The following DYM variants were observed in gnomAD, a reference collection of about 807,000 sequenced individuals.
The protein encoded by DYM is dyggve-Melchior-Clausen syndrome protein.
Under a neutral mutation model 93.1 loss-of-function variants are expected in DYM, and 78 were observed. That is an observed-to-expected ratio of 0.84 (90% CI 0.70 to 1.01). The LOEUF (loss-of-function observed/expected upper bound fraction) is 1.01. DYM is among the 50% of genes least tolerant of loss of function. The pLI, the probability that DYM is intolerant of heterozygous loss-of-function variation, is 0.00. For synonymous variants in DYM, 321 were observed against 319.7 expected (o/e 1.00, Z -0.04); for missense variants, 789 against 845.0 (o/e 0.93, Z 0.82).
chr18:49,195,826 G>A (rs1201199327), intron 14 of DYM, among the ~76,000 whole-genome samples: 1 of 151,630 alleles, frequency 6.6e-6, no homozygotes, highest in Non-Finnish European at 1.5e-5. Flanking sequence ...GTTTAGTCAG[G>A]TAGTTTTACT....
chr18:49,270,390 A>T (rs916558827), intron 11 of DYM, among the ~76,000 whole-genome samples: 1 of 152,232 alleles, frequency 6.6e-6, no homozygotes, highest in Non-Finnish European at 1.5e-5. Context: ...TAAAAAGTCA[A>T]ATACACAGAT....
At chr18:49,399,221 C>T (rs770247235) in intron 2 of DYM, among the ~76,000 whole-genome samples, 3 of 152,074 alleles carry the variant, frequency 2.0e-5, no homozygotes, top group Admixed American at 6.6e-5. Flanking sequence ...GTGCACTCAA[C>T]GTACCATAGA....
At chr18:49,282,428 C>T (rs184441598) in intron 9 of DYM, among the ~76,000 whole-genome samples, 63 of 152,296 alleles carry the variant, frequency 4.1e-4, no homozygotes, top group Middle Eastern at 6.8e-3. Context: ...GGCTGACCAA[C>T]ATGGTGAAAC....
At chr18:49,145,687 T>A (rs573233633) in intron 15 of DYM, among the ~76,000 whole-genome samples, 4 of 152,184 alleles carry the variant, frequency 2.6e-5, no homozygotes, top group African/African-American at 9.7e-5. Context: ...ATGTTTTCAT[T>A]CATTTTTATA....
At chr18:49,196,449 AC>A (rs2091458357) in intron 14 of DYM, among the ~76,000 whole-genome samples, 2 of 151,942 alleles carry the variant, frequency 1.3e-5, no homozygotes, top group Non-Finnish European at 2.9e-5. Context: ...ACACACACAC[AC>A]ACACACACAC....
intron 17 of DYM, among the ~76,000 whole-genome samples, chr18:49,081,992 T>C (rs919597428): frequency 2.0e-5 from 3 of 152,242 alleles, no homozygotes; most frequent in East Asian, 1.9e-4. Context: ...TCAGAGCTGG[T>C]CTTAGTTCAG....
At chr18:49,381,980 T>C (rs768002852) in intron 3 of DYM, among the ~76,000 whole-genome samples, 8 of 151,692 alleles carry the variant, frequency 5.3e-5, no homozygotes, top group Admixed American at 4.6e-4. Flanking sequence ...TATCTAGCTA[T>C]TGTAAATCCA....
chr18:49,040,547 T>G lies in DYM; in HGVS notation c.*3508A>C, dbSNP rs911388422. Among the ~76,000 whole-genome samples, 1 of 152,224 alleles carries G rather than the reference T, an allele frequency of 6.6e-6. No individual in the cohort carries two copies. The highest frequency in any genetic ancestry group is 2.4e-5 in the African/African-American group (1 of 41,454). The stretch of plus-strand genomic sequence containing the variant: ...GCTAGCTTAGCTCTTCATCACTGAA[T>G]AGAAACTGACCTCTTTGACTCCAGG... On this transcript the variant is annotated 3_prime_UTR_variant, in exon 18 of 18. Coordinates refer to ENST00000675505, the MANE Select transcript of DYM (RefSeq NM_001353214.3).
At chr18:49,180,255 T>A (rs1339530418) in intron 14 of DYM, among the ~76,000 whole-genome samples, 1 of 152,136 alleles carries the variant, frequency 6.6e-6, no homozygotes, top group Non-Finnish European at 1.5e-5. Flanking sequence ...ATGGACAGCT[T>A]TTATTCAAAA....
chr18:49,333,250 T>G (rs1401208907), intron 7 of DYM, among the ~76,000 whole-genome samples: 1 of 152,202 alleles, frequency 6.6e-6, no homozygotes, highest in Non-Finnish European at 1.5e-5. Context: ...CAGTCTAACA[T>G]GCCTGGCACA....
chr18:49,361,119 T>C (rs2065977636), intron 6 of DYM, among the ~76,000 whole-genome samples: 1 of 152,134 alleles, frequency 6.6e-6, no homozygotes. Flanking sequence ...CTCTAAACAA[T>C]ACTGGAGTTC....
At chr18:49,277,411 G>GA (rs2094872182) in intron 10 of DYM, among the ~76,000 whole-genome samples, 1 of 152,116 alleles carries the variant, frequency 6.6e-6, no homozygotes, top group African/African-American at 2.4e-5. Context: ...CATAGAGGTG[G>GA]AAAAACCAGC....
At chr18:49,452,290 A>T (rs1254096378) in intron 1 of DYM, among the ~76,000 whole-genome samples, 1 of 152,200 alleles carries the variant, frequency 6.6e-6, no homozygotes, top group South Asian at 2.1e-4. Flanking sequence ...CCAAAGAGTG[A>T]GCAGCAGCAA....
intron 8 of DYM, among the ~76,000 whole-genome samples, chr18:49,296,778 T>A (rs1256741883): frequency 1.3e-5 from 2 of 152,238 alleles, no homozygotes; most frequent in East Asian, 3.8e-4. Flanking sequence ...CAAGTCACAG[T>A]CATTTGTTCT....
At chr18:49,332,078 A>G in intron 7 of DYM, 72 bp from the exon 8 acceptor site, 1 of 1,442,126 alleles carries the variant, frequency 6.9e-7, no homozygotes, top group Non-Finnish European at 9.6e-7. Context: ...CAATACAGAA[A>G]TAATTCTGCC....
At chr18:49,390,253 C>T (rs941808223) in intron 3 of DYM, among the ~76,000 whole-genome samples, 2 of 152,064 alleles carry the variant, frequency 1.3e-5, no homozygotes, top group Non-Finnish European at 2.9e-5. Flanking sequence ...CAGGAGACCC[C>T]CATCTATACA....
At chr18:49,323,000 T>A (rs1388175418) in intron 8 of DYM, among the ~76,000 whole-genome samples, 4 of 152,182 alleles carry the variant, frequency 2.6e-5, no homozygotes, top group Non-Finnish European at 4.4e-5. Context: ...CACAAACATC[T>A]ACAGTCCAGT....
intron 11 of DYM, among the ~76,000 whole-genome samples, chr18:49,269,516 G>C (rs1199804163): frequency 6.6e-6 from 1 of 152,184 alleles, no homozygotes; most frequent in Non-Finnish European, 1.5e-5. Context: ...ATTCACTGCA[G>C]CACTATTCAG....
intron 6 of DYM, among the ~76,000 whole-genome samples, chr18:49,337,204 C>A (rs2063735840): frequency 6.6e-6 from 1 of 152,168 alleles, no homozygotes; most frequent in Admixed American, 6.5e-5. Flanking sequence ...AAATGGAATA[C>A]TCATTGCAAC....
Sources: allele counts gnomAD v4.1 joint callset (sites outside exome capture counted in the v4.1 genomes callset), GRCh38; gene constraint gnomAD v4.1.1; transcripts MANE v1.5; gene names NCBI Gene and HGNC (gene_info 2026-07-23, HGNC 2026-07-21).